Variants in MYH7B observed in about 807,000 individuals in gnomAD.
MYH7B encodes the protein myosin-7B.
A neutral mutation model predicts 234.5 loss-of-function variants in MYH7B; 205 were observed. The ratio of observed to expected loss-of-function variants is 0.87; its 90% CI spans 0.78 to 0.98. MYH7B has a LOEUF of 0.98. Among genes scored for constraint, MYH7B ranks in the 50% least tolerant of loss-of-function variants. The pLI is 0.00. For synonymous variants in MYH7B, 1,193 were observed against 1,105.0 expected (o/e 1.08, Z -1.58); for missense variants, 2,652 against 2,633.4 (o/e 1.01, Z -0.15).
chr20:34,999,750 T>A (rs1460723464), intron 37 of MYH7B, 41 bp from the exon 38 acceptor site: 18 of 1,320,792 alleles, frequency 1.4e-5, no homozygotes, highest in Middle Eastern at 2.4e-4. Context: ...CCACTGGCCA[T>A]CCCCCCCCCC....
intron 5 of MYH7B, 103 bp from the exon 6 acceptor site, chr20:34,979,286 TG>T: frequency 1.2e-6 from 1 of 840,778 alleles, no homozygotes; most frequent in East Asian, 2.7e-5. Flanking sequence ...AGAGGGGCTT[TG>T]GGGAGGGTCA....
At chr20:34,971,648 C>A (rs1336869211) in intron 2 of MYH7B, among the ~76,000 whole-genome samples, 1 of 152,170 alleles carries the variant, frequency 6.6e-6, no homozygotes, top group Non-Finnish European at 1.5e-5. Context: ...GCACTGGGAC[C>A]ATTATGGCAG....
At chr20:34,983,663 G>T (rs1247451752) in intron 10 of MYH7B, among the ~76,000 whole-genome samples, 1 of 152,176 alleles carries the variant, frequency 6.6e-6, no homozygotes, top group Non-Finnish European at 1.5e-5. Context: ...GAACTTAAAA[G>T]ATTGATCAGC....
exon 42 of MYH7B, chr20:35,001,266 C>T (rs1370811259): frequency 7.4e-6 from 12 of 1,611,970 alleles, no homozygotes; most frequent in Non-Finnish European, 8.5e-6. Context: ...GGAGGCTGAG[C>T]TTGATGCAGA....
At chr20:34,988,305 T>C (rs367729298) in intron 19 of MYH7B, 43 bp downstream of exon 19, 7 of 1,586,284 alleles carry the variant, frequency 4.4e-6, no homozygotes, top group Non-Finnish European at 6.0e-6. Flanking sequence ...GGAGGGTGTG[T>C]GTGGTGAGCA....
At chr20:34,977,578 G>T in intron 3 of MYH7B, 54 bp from the exon 4 acceptor site, 1 of 1,533,054 alleles carries the variant, frequency 6.5e-7, no homozygotes, top group East Asian at 2.4e-5. Flanking sequence ...CAGGCTGGGG[G>T]GGCTGTGACA....
At chr20:34,993,452 A>G in exon 26 of MYH7B, 1 of 1,605,006 alleles carries the variant, frequency 6.2e-7, no homozygotes, top group African/African-American at 1.3e-5. Flanking sequence ...CTTGAGTACC[A>G]GCGCCTGCTG....
At chr20:34,958,976 G>A (rs1469698808) in intron 2 of MYH7B, among the ~76,000 whole-genome samples, 1 of 152,158 alleles carries the variant, frequency 6.6e-6, no homozygotes, top group East Asian at 1.9e-4. Flanking sequence ...AGAAAGAGAA[G>A]GAAACCAACA....
At chr20:34,987,829 C>G in exon 18 of MYH7B, 3 of 1,613,904 alleles carry the variant, frequency 1.9e-6, no homozygotes, top group Non-Finnish European at 2.5e-6. Flanking sequence ...TGGCTGGTGT[C>G]TCGGATCAAC....
At chr20:34,966,171 G>T (rs1304620190) in intron 2 of MYH7B, among the ~76,000 whole-genome samples, 1 of 152,216 alleles carries the variant, frequency 6.6e-6, no homozygotes, top group African/African-American at 2.4e-5. Context: ...GGGTTGGAGG[G>T]TGGGTGGCCT....
intron 2 of MYH7B, among the ~76,000 whole-genome samples, chr20:34,961,899 G>A (rs920892302): frequency 6.6e-6 from 1 of 152,182 alleles, no homozygotes; most frequent in Non-Finnish European, 1.5e-5. Context: ...CTCATCAGTT[G>A]ATAGGCATCT....
At position 35,000,458 on chromosome 20, in the gene MYH7B, C is replaced by T. The variant is rs780387973; in HGVS notation, c.4947C>T (p.Ala1649=). ...GTCAGGCCACAGAGGCCCAGGCTGC[C>T]ACGCGGCTGATGCAGGCACAGCTCA... The change falls in exon 39 of 45, where the codon GCC becomes GCT. Residue 1649 remains alanine (A), a synonymous_variant. Transcript: ENST00000262873. 11 of 1,601,894 alleles carry T rather than the reference C, an allele frequency of 6.9e-6. No individual in the cohort carries two copies. Among genetic ancestry groups the T allele is most frequent in the Admixed American group, 1.7e-5 (1 of 59,952 alleles).
In MYH7B at chr20:35,001,420, T is replaced by G. The variant is rs1319964147; in HGVS notation, c.5581-11T>G. 6.3e-7 allele frequency: 1 copy of G among 1,596,142 alleles called. No homozygotes were observed. The highest frequency in any genetic ancestry group is 8.5e-7 in the Non-Finnish European group (1 of 1,171,726). On this transcript the variant is annotated splice_polypyrimidine_tract_variant and intron_variant, in intron 42 of 44. Transcript: ENST00000262873. The stretch of plus-strand genomic sequence containing the variant: ...GCCCAAGCAAGCCCTGAGTCCCCCT[T>G]GCCCGCCCAGGCCGAGGAGGACAGG...
At position 34,986,994 on chromosome 20, in the gene MYH7B, G is replaced by A. The variant is rs753325069; in HGVS notation, c.1008+5G>A. 1.9e-6 allele frequency: 3 copies of A among 1,612,922 alleles called. No homozygotes were observed. The African/African-American group carries it at 4.0e-5, about 22-fold the overall frequency. On this transcript the variant is annotated splice_donor_5th_base_variant and intron_variant, in intron 15 of 44. Coordinates refer to ENST00000262873, the Ensembl canonical transcript of MYH7B. ...GAGGAGCTCATCGCCACCGACGTAT[G>A]AGCTCTGGTGGGAGGGGAGCTGTGT...
exon 30 of MYH7B, chr20:34,996,678 G>A: frequency 6.2e-7 from 1 of 1,613,666 alleles, no homozygotes; most frequent in East Asian, 2.2e-5. Flanking sequence ...AGCGCAAGCT[G>A]GAGGGTGACC....
chr20:34,999,380 C>A (rs1422008193), exon 36 of MYH7B: 14 of 1,526,302 alleles, frequency 9.2e-6, no homozygotes, highest in Non-Finnish European at 1.2e-5. Flanking sequence ...TGGAGACGCT[C>A]AAGCGGGAGA....
exon 27 of MYH7B, chr20:34,994,366 CAGG>C (rs759186391): frequency 1.9e-6 from 3 of 1,598,388 alleles, no homozygotes; most frequent in Admixed American, 1.7e-5. Flanking sequence ...CAGCATCACC[CAGG>C]AGAAGAATGA....
intron 16 of MYH7B, 112 bp downstream of exon 16, chr20:34,987,399 C>T: frequency 6.8e-7 from 1 of 1,481,458 alleles, no homozygotes; most frequent in South Asian, 1.3e-5. Flanking sequence ...CCTGGCCCTG[C>T]CTCCTCAGCT....
chr20:34,971,207 C>T (rs917001726), intron 2 of MYH7B, among the ~76,000 whole-genome samples: 9 of 152,196 alleles, frequency 5.9e-5, no homozygotes, highest in Non-Finnish European at 8.8e-5. Flanking sequence ...TCTCTCTTTG[C>T]GGCTCAGTTT....
Sources: gnomAD v4.1 joint callset for allele counts (sites outside exome capture counted in the v4.1 genomes callset) on GRCh38, gnomAD v4.1.1 for gene constraint, MANE v1.5 for transcripts, NCBI Gene and HGNC (gene_info 2026-07-23, HGNC 2026-07-21) for gene names.